The following CELF2 variants were observed in gnomAD, a reference collection of about 807,000 sequenced individuals.
CELF2 encodes the protein CUG triplet repeat RNA-binding protein 2.
CELF2 carries 8 observed loss-of-function variants against 62.6 expected under a neutral mutation model. That is an observed-to-expected ratio of 0.13 (90% confidence interval 0.07 to 0.23). The LOEUF is 0.23. Among genes scored for constraint, CELF2 ranks in the 10% least tolerant of loss-of-function variants. The pLI is 1.00. For synonymous variants in CELF2, 258 were observed against 250.0 expected (o/e 1.03, Z -0.30); for missense variants, 333 against 671.0 (o/e 0.50, Z 5.56).
At chr10:10,970,089 G>A (rs2050602474) in intron 2 of CELF2, among the ~76,000 whole-genome samples, 2 of 151,990 alleles carry the variant, frequency 1.3e-5, no homozygotes, top group African/African-American at 4.8e-5. Flanking sequence ...TTATTTTTGA[G>A]ACAGGGTCTC....
chr10:11,277,266 C>G (rs2086488919), intron 8 of CELF2, among the ~76,000 whole-genome samples: 1 of 152,218 alleles, frequency 6.6e-6, no homozygotes, highest in African/African-American at 2.4e-5. Context: ...GGGCTTAACT[C>G]TGTCCTTGCC....
chr10:11,007,947 C>T (rs2055602460), intron 1 of CELF2, among the ~76,000 whole-genome samples: 1 of 152,170 alleles, frequency 6.6e-6, no homozygotes, highest in South Asian at 2.1e-4. Flanking sequence ...ACTCTCTTCT[C>T]ACTTTGTTTG....
the CELF2 span, among the ~76,000 whole-genome samples, chr10:10,682,394 A>G: frequency 6.6e-6 from 1 of 152,208 alleles, no homozygotes; most frequent in Non-Finnish European, 1.5e-5. Context: ...ACATGTTAGC[A>G]TAGAGCATGT....
At chr10:11,049,451 G>GA (rs1554799374) in intron 1 of CELF2, among the ~76,000 whole-genome samples, 32 of 150,550 alleles carry the variant, frequency 2.1e-4, no homozygotes, top group African/African-American at 7.6e-4. Context: ...AATAGATGGG[G>GA]GAGAGGTCAA....
At chr10:11,188,967 G>A (rs189529442) in intron 2 of CELF2, among the ~76,000 whole-genome samples, 6 of 152,070 alleles carry the variant, frequency 3.9e-5, no homozygotes, top group Admixed American at 1.3e-4. Context: ...AGTCCGTTTC[G>A]GATCTTTCTT....
At chr10:11,208,472 A>G (rs1431249025) in intron 2 of CELF2, among the ~76,000 whole-genome samples, 1 of 152,168 alleles carries the variant, frequency 6.6e-6, no homozygotes, top group Non-Finnish European at 1.5e-5. Flanking sequence ...TTGGACAAAA[A>G]GGACATGACG....
Position 11,335,126 on chromosome 10 carries a change from A to G in CELF2, c.*6073A>G, listed in dbSNP as rs1353534195. 6.6e-6 allele frequency: 1 copy of G among 152,274 alleles called. No individual in the cohort carries two copies. The highest frequency in any genetic ancestry group is 2.4e-5 in the African/African-American group (1 of 41,442). 9.4% of individuals were successfully genotyped at this position (152,274 alleles called of 1,614,324 possible). A position where few individuals can be genotyped will look rare whatever the true frequency, so the allele number is the denominator to read the frequency against. On this transcript the variant is annotated 3_prime_UTR_variant, in exon 13 of 13. Coordinates refer to ENST00000633077, the MANE Select transcript of CELF2 (RefSeq NM_001326342.2). The surrounding 1 kb of genome is among the most constrained non-coding windows in gnomAD (Gnocchi z 5.0). ...TTTCCAAACAAAAGCTAATAACGCC[A>G]TACGCATCCACACACTCCCTCCTGG... is the stretch of plus-strand genomic sequence containing the variant.
chr10:11,135,676 C>CT (rs1296494654), intron 1 of CELF2, among the ~76,000 whole-genome samples: 1 of 152,208 alleles, frequency 6.6e-6, no homozygotes, highest in Non-Finnish European at 1.5e-5. Context: ...ACACTTAGTC[C>CT]TTTTCTCATT....
intron 3 of CELF2, among the ~76,000 whole-genome samples, chr10:11,241,873 A>G (rs1471076367): frequency 6.6e-6 from 1 of 152,136 alleles, no homozygotes; most frequent in Non-Finnish European, 1.5e-5. Flanking sequence ...AATCTTTTGA[A>G]ACTTGTTTTT....
chr10:10,578,045 C>T, the CELF2 span, among the ~76,000 whole-genome samples: 65 of 152,242 alleles, frequency 4.3e-4, no homozygotes, highest in East Asian at 1.2e-3. Flanking sequence ...TTTTAATGAT[C>T]GCCATTCTAA....
chr10:10,799,680 T>TA (rs1376119681), intron 1 of CELF2, among the ~76,000 whole-genome samples: 2 of 141,654 alleles, frequency 1.4e-5, no homozygotes, highest in African/African-American at 2.6e-5. Context: ...TGAATGCTCC[T>TA]AAAAAAGTGC....
At chr10:10,929,262 A>G (rs1371797028) in intron 2 of CELF2, among the ~76,000 whole-genome samples, 4 of 152,144 alleles carry the variant, frequency 2.6e-5, no homozygotes, top group Non-Finnish European at 5.9e-5. Flanking sequence ...TTCCTTAATC[A>G]TGTGGACTTA....
At chr10:10,682,997 G>A in the CELF2 span, among the ~76,000 whole-genome samples, 1 of 152,104 alleles carries the variant, frequency 6.6e-6, no homozygotes, top group African/African-American at 2.4e-5. Context: ...CTCACAGAAC[G>A]CAGCAAGACC....
intron 1 of CELF2, among the ~76,000 whole-genome samples, chr10:10,882,177 T>C (rs2133701095): frequency 1.3e-5 from 2 of 152,330 alleles, no homozygotes; most frequent in South Asian, 4.1e-4. Flanking sequence ...TGACTCATGA[T>C]TTCATTCTTG....
At chr10:11,097,537 G>A (rs1380557196) in intron 1 of CELF2, 2 of 152,170 alleles carry the variant, frequency 1.3e-5, no homozygotes, top group African/African-American at 4.8e-5. Flanking sequence ...TTATAATAAG[G>A]TTGTGGTCTA....
At chr10:10,886,804 C>G (rs998748888) in intron 1 of CELF2, among the ~76,000 whole-genome samples, 1 of 152,184 alleles carries the variant, frequency 6.6e-6, no homozygotes, top group Non-Finnish European at 1.5e-5. Flanking sequence ...CCACTGCACT[C>G]CAGCCTGGAT....
intron 1 of CELF2, among the ~76,000 whole-genome samples, chr10:11,056,356 A>G (rs145751247): frequency 6.9e-4 from 105 of 152,368 alleles, no homozygotes; most frequent in African/African-American, 2.4e-3. Flanking sequence ...TCTAAGATGC[A>G]TAGCTAGGAA....
the CELF2 span, among the ~76,000 whole-genome samples, chr10:10,770,807 A>C: frequency 6.6e-6 from 1 of 152,214 alleles, no homozygotes; most frequent in Non-Finnish European, 1.5e-5. Context: ...ATGTTAATGG[A>C]TGATGAATGC....
chr10:10,748,523 C>T, the CELF2 span, among the ~76,000 whole-genome samples: 5 of 151,836 alleles, frequency 3.3e-5, no homozygotes, highest in East Asian at 3.9e-4. Flanking sequence ...CTAAGGTGGG[C>T]GGATCACGAG....
Sources: gnomAD v4.1 joint callset for allele counts (sites outside exome capture counted in the v4.1 genomes callset) on GRCh38, gnomAD v4.1.1 for gene constraint, Gnocchi (gnomAD v3.1) non-coding constraint, MANE v1.5 for transcripts, NCBI Gene and HGNC (gene_info 2026-07-23, HGNC 2026-07-21) for gene names.